The following OR6N1 variants were observed in gnomAD, a reference collection of about 807,000 sequenced individuals.
OR6N1 encodes olfactory receptor family 6 subfamily N member 1, also known as olfactory receptor 6N1.
For synonymous variants in OR6N1, 170 were observed against 150.7 expected, an observed-to-expected ratio of 1.13 and a Z score of -0.94; for missense variants, 394 against 371.7, an observed-to-expected ratio of 1.06 and a Z score of -0.49.
At chr1:158,781,109 T>G in the OR6N1 span, 1 of 152,240 alleles carries the variant, frequency 6.6e-6, no homozygotes, top group Non-Finnish European at 1.5e-5. Context: ...AATCCCTTAT[T>G]ATCAGTCCCA....
At chr1:158,787,919 G>A in the OR6N1 span, among the ~76,000 whole-genome samples, 1 of 152,090 alleles carries the variant, frequency 6.6e-6, no homozygotes, top group Non-Finnish European at 1.5e-5. Flanking sequence ...AGGCATCCTG[G>A]AACTCAGAAG....
At chr1:158,781,695 A>T in the OR6N1 span, among the ~76,000 whole-genome samples, 2 of 152,208 alleles carry the variant, frequency 1.3e-5, no homozygotes, top group South Asian at 4.1e-4. Context: ...TCTTCCTTTG[A>T]GAATCCTCTC....
chr1:158,768,788 T>C (rs1657342488), intron 1 of OR6N1, among the ~76,000 whole-genome samples: 1 of 152,190 alleles, frequency 6.6e-6, no homozygotes, highest in Non-Finnish European at 1.5e-5. Flanking sequence ...ATAACTGCAG[T>C]GTGCCTCCAT....
the OR6N1 span, among the ~76,000 whole-genome samples, chr1:158,824,724 C>T: frequency 1.3e-5 from 2 of 152,140 alleles, no homozygotes; most frequent in Non-Finnish European, 2.9e-5. Context: ...GGAAAGGACC[C>T]TCTGTTCAAT....
At chr1:158,840,284 T>G in the OR6N1 span, among the ~76,000 whole-genome samples, 1 of 152,130 alleles carries the variant, frequency 6.6e-6, no homozygotes, top group African/African-American at 2.4e-5. Flanking sequence ...GACTGGGTAA[T>G]TTATAAAGAA....
At chr1:158,786,831 G>A in the OR6N1 span, among the ~76,000 whole-genome samples, 2 of 151,970 alleles carry the variant, frequency 1.3e-5, no homozygotes, top group Admixed American at 6.6e-5. Flanking sequence ...ATGGACTTTG[G>A]GGACTCAGGG....
rs1328001601 is a variant in OR6N1, at chr1:158,766,056, G to A, written c.627C>T (p.Ala209=). Residue 209 remains alanine (A), a synonymous_variant, in exon 2 of 2, where the codon GCC becomes GCT. Transcript: ENST00000641846. The stretch of plus-strand genomic sequence containing the variant: ...AGGAGCAGAGGATCAGCAGGAAGGT[G>A]GCTAGGATCTTGCAGGAATTTATAA... ...DFVINSCKIL[A]TFLLILCSYV... The A allele has an allele frequency of 6.2e-7, 1 of 1,614,174 alleles. No homozygotes were observed. Among genetic ancestry groups the A allele is most frequent in the South Asian group, 1.1e-5 (1 of 91,080 alleles).
the OR6N1 span, among the ~76,000 whole-genome samples, chr1:158,824,489 C>T: frequency 2.6e-5 from 4 of 152,112 alleles, no homozygotes; most frequent in East Asian, 3.9e-4. Flanking sequence ...TTCAGTTGTG[C>T]GTTTGATTTT....
rs1657224920 is a variant in OR6N1 at position 158,765,470 on chromosome 1, A to G, written c.*274T>C. ...AAGACACAGATTTTAAAAAAAACCT[A>G]AGTGTGATACATAAACATCTGAGTT... On this transcript the variant is annotated 3_prime_UTR_variant, in exon 2 of 2. Transcript: ENST00000641846. The G allele has an allele frequency of 6.3e-6, 2 of 315,150 alleles. No individual in the cohort carries two copies. Among genetic ancestry groups the G allele is most frequent in the African/African-American group, 2.1e-5 (1 of 47,460 alleles). 19.5% of individuals were successfully genotyped at this position (315,150 alleles called of 1,614,324 possible).
chr1:158,799,522 A>G, the OR6N1 span, among the ~76,000 whole-genome samples: 1 of 152,166 alleles, frequency 6.6e-6, no homozygotes. Flanking sequence ...ACATGATTAG[A>G]TCCTCTTGGT....
the OR6N1 span, among the ~76,000 whole-genome samples, chr1:158,780,749 G>A: frequency 6.6e-6 from 1 of 152,162 alleles, no homozygotes; most frequent in African/African-American, 2.4e-5. Flanking sequence ...GTTCATTGGG[G>A]ACTGTCTATA....
chr1:158,800,973 G>A, the OR6N1 span, among the ~76,000 whole-genome samples: 1 of 118,752 alleles, frequency 8.4e-6, no homozygotes, highest in Admixed American at 8.2e-5. Context: ...TAAAGTCTAA[G>A]GCATGAGAAG....
the OR6N1 span, among the ~76,000 whole-genome samples, chr1:158,812,229 C>A: frequency 1.3e-5 from 2 of 152,152 alleles, no homozygotes; most frequent in African/African-American, 4.8e-5. Context: ...AGAAAGCAAT[C>A]AGTGTGATAC....
the OR6N1 span, among the ~76,000 whole-genome samples, chr1:158,782,727 C>A: frequency 2.6e-5 from 4 of 152,134 alleles, no homozygotes; most frequent in Non-Finnish European, 4.4e-5. Context: ...TGAGAAAGAT[C>A]ATATCAGTCA....
the OR6N1 span, among the ~76,000 whole-genome samples, chr1:158,784,797 T>G: frequency 2.0e-5 from 3 of 152,156 alleles, no homozygotes; most frequent in Non-Finnish European, 4.4e-5. Context: ...ATATATACAC[T>G]GCATTTTCTT....
chr1:158,765,604 G>A lies in OR6N1; in HGVS notation c.*140C>T. The stretch of plus-strand genomic sequence containing the variant: ...ACAGTATGAAGGTCGCTATAACACT[G>A]GAAGTCAGTCAGCACTTGCTGCAGC... On this transcript the variant is annotated 3_prime_UTR_variant, in exon 2 of 2. Coordinates refer to ENST00000641846, the MANE Select transcript of OR6N1 (RefSeq NM_001005185.2). 1 of 714,164 alleles carries A rather than the reference G, an allele frequency of 1.4e-6. No homozygotes were observed. The highest frequency in any genetic ancestry group is 2.4e-6 in the Non-Finnish European group (1 of 424,378). 44.2% of individuals were successfully genotyped at this position (714,164 alleles called of 1,614,324 possible).
Position 158,765,839 on chromosome 1 carries a change from T to G in OR6N1, c.844A>C (p.Thr282Pro), listed in dbSNP as rs758401401. ...TAGATGAAGGGGTTGAGGAAGGGTG[T>G]GAGCACTGAGTAGACCACTGCCAGG... Reference protein sequence around the residue: ...QALAVVYSVLTPFLNPFIYSL... With the variant: ...QALAVVYSVLPPFLNPFIYSL... Residue 282 changes from threonine (T) to proline (P), a missense_variant, in exon 2 of 2, where the codon ACA becomes CCA. Transcript: ENST00000641846. 8.1e-6 allele frequency: 13 copies of G among 1,614,032 alleles called. No homozygotes were observed. The South Asian group carries it at 1.3e-4, about 16-fold the overall frequency.
chr1:158,773,407 C>A (rs1279418875), upstream of OR6N1, among the ~76,000 whole-genome samples: 1 of 152,060 alleles, frequency 6.6e-6, no homozygotes, highest in Non-Finnish European at 1.5e-5. Flanking sequence ...TTAAATTTTC[C>A]ACATCTGTCA....
chr1:158,788,229 A>C, the OR6N1 span, among the ~76,000 whole-genome samples: 3 of 152,210 alleles, frequency 2.0e-5, no homozygotes, highest in East Asian at 5.8e-4. Flanking sequence ...GTGTACTAAT[A>C]AAATTTAAGA....
Sources: allele counts gnomAD v4.1 joint callset (sites outside exome capture counted in the v4.1 genomes callset), GRCh38; gene constraint gnomAD v4.1.1; transcripts MANE v1.5; gene names NCBI Gene and HGNC (gene_info 2026-07-23, HGNC 2026-07-21).